The following NRG3 variants were observed in gnomAD, a reference collection of about 807,000 sequenced individuals.
NRG3 encodes the protein pro-neuregulin-3, membrane-bound isoform.
In NRG3, 31 loss-of-function variants were observed where a neutral mutation model predicts 66.9. The ratio of observed to expected loss-of-function variants is 0.46; its 90% CI spans 0.35 to 0.63. NRG3 has a LOEUF of 0.63. Among genes scored for constraint, NRG3 ranks in the 20% least tolerant of loss-of-function variants. The pLI, the probability that NRG3 is intolerant of heterozygous loss-of-function variation, is 0.00. For synonymous variants in NRG3, 393 were observed against 359.4 expected (o/e 1.09, Z -1.06); for missense variants, 910 against 878.9 (o/e 1.04, Z -0.45).
At position 81,875,694 on chromosome 10, in the gene NRG3, C is replaced by T. The variant is rs768461364; in HGVS notation, c.354C>T (p.Pro118=). 2.6e-5 allele frequency: 42 copies of T among 1,613,778 alleles called. 1 individual carries two copies. In the South Asian group the frequency reaches 3.8e-4, roughly 15 times the overall value. ...AGGACCCCTTCTTCCTCTCCAAGCC[C>T]AGCTCTTTCCCCAAGGCCATGGAGA... ...MGQDPFFLSK[P]SSFPKAMETT... The change falls in exon 1 of 9, where the codon CCC becomes CCT. Residue 118 remains proline (P), a synonymous_variant. Transcript: ENST00000372141. The surrounding 1 kb of genome is among the most constrained non-coding windows in gnomAD (Gnocchi z 5.3).
At chr10:82,578,332 C>T (rs971312671) in intron 2 of NRG3, among the ~76,000 whole-genome samples, 4 of 117,300 alleles carry the variant, frequency 3.4e-5, no homozygotes, top group Admixed American at 1.8e-4. Context: ...GATATTTTAG[C>T]CTAGATGTCA....
chr10:82,675,740 T>G (rs532698107), intron 2 of NRG3, among the ~76,000 whole-genome samples: 7 of 152,358 alleles, frequency 4.6e-5, no homozygotes, highest in African/African-American at 1.7e-4. Flanking sequence ...AAAAGCAGTT[T>G]GAAGGCTCAA....
intron 1 of NRG3, among the ~76,000 whole-genome samples, chr10:82,144,193 G>A (rs1032763390): frequency 2.0e-5 from 3 of 152,008 alleles, no homozygotes; most frequent in Admixed American, 6.6e-5. Flanking sequence ...TCTTATTCAC[G>A]TGAGGCTTCT....
chr10:82,724,334 T>G (rs2057474239), intron 2 of NRG3, among the ~76,000 whole-genome samples: 1 of 152,096 alleles, frequency 6.6e-6, no homozygotes, highest in South Asian at 2.1e-4. Context: ...CTGATGAATG[T>G]CATACATAAT....
intron 1 of NRG3, among the ~76,000 whole-genome samples, chr10:82,024,907 G>T (rs1335947206): frequency 6.6e-6 from 1 of 152,068 alleles, no homozygotes; most frequent in Non-Finnish European, 1.5e-5. Flanking sequence ...TATTTGAGAG[G>T]TTAAATTTGT....
intron 1 of NRG3, among the ~76,000 whole-genome samples, chr10:82,236,802 G>A (rs1433775132): frequency 3.0e-5 from 4 of 132,986 alleles, no homozygotes; most frequent in South Asian, 2.5e-4. Context: ...TGCAAGCTCC[G>A]CCTCCCGGGT....
intron 1 of NRG3, among the ~76,000 whole-genome samples, chr10:82,119,846 G>A (rs1297600822): frequency 6.6e-6 from 1 of 152,046 alleles, no homozygotes; most frequent in Non-Finnish European, 1.5e-5. Context: ...TGACGTTTCT[G>A]AAAACACGAG....
At chr10:82,055,205 G>A (rs1229042019) in intron 1 of NRG3, among the ~76,000 whole-genome samples, 4 of 152,144 alleles carry the variant, frequency 2.6e-5, no homozygotes, top group East Asian at 3.9e-4. Flanking sequence ...GAAGCCGAGC[G>A]CGGTGGCTCA....
chr10:82,551,297 T>C (rs1302189401), intron 2 of NRG3, among the ~76,000 whole-genome samples: 1 of 152,184 alleles, frequency 6.6e-6, no homozygotes, highest in Non-Finnish European at 1.5e-5. Context: ...TTTCAAGTAC[T>C]ATTTTTAACA....
intron 2 of NRG3, among the ~76,000 whole-genome samples, chr10:82,459,495 C>G (rs1392967109): frequency 6.6e-6 from 1 of 152,206 alleles, no homozygotes; most frequent in African/African-American, 2.4e-5. Flanking sequence ...ATAGTGAGCA[C>G]AGCTGACCCA....
intron 1 of NRG3, among the ~76,000 whole-genome samples, chr10:82,238,457 A>G (rs7916776): frequency 0.12 from 18,422 of 152,148 alleles, 1,214 homozygotes; most frequent in East Asian, 0.24. Context: ...TCCCTTGTTC[A>G]AAGTCACATT....
intron 1 of NRG3, among the ~76,000 whole-genome samples, chr10:81,893,304 C>T (rs1019388789): frequency 1.3e-5 from 2 of 152,050 alleles, no homozygotes; most frequent in African/African-American, 4.8e-5. Context: ...ACACCTATAA[C>T]CCTATATTTA....
intron 2 of NRG3, among the ~76,000 whole-genome samples, chr10:82,414,747 CAGAG>C (rs1377407075): frequency 1.3e-5 from 2 of 151,936 alleles, no homozygotes; most frequent in East Asian, 1.9e-4. Flanking sequence ...TGTGAGCACA[CAGAG>C]AGAGAGAGAT....
intron 2 of NRG3, among the ~76,000 whole-genome samples, chr10:82,629,423 T>C (rs2133704756): frequency 6.6e-6 from 1 of 152,328 alleles, no homozygotes; most frequent in African/African-American, 2.4e-5. Flanking sequence ...CCTGTGTGAA[T>C]TGCACAATCC....
chr10:82,788,484 C>T (rs978992755), intron 3 of NRG3, among the ~76,000 whole-genome samples: 10 of 152,032 alleles, frequency 6.6e-5, no homozygotes, highest in Non-Finnish European at 1.0e-4. Context: ...GCAGGAGAAT[C>T]GCTTGAACCC....
At chr10:82,032,581 A>G (rs373183623) in intron 1 of NRG3, among the ~76,000 whole-genome samples, 2 of 152,248 alleles carry the variant, frequency 1.3e-5, no homozygotes, top group East Asian at 1.9e-4. Flanking sequence ...CAGAATAATG[A>G]TAAGTTAAGC....
At chr10:82,382,501 G>A (rs888137665) in intron 2 of NRG3, among the ~76,000 whole-genome samples, 66 of 151,918 alleles carry the variant, frequency 4.3e-4, no homozygotes, top group African/African-American at 1.6e-3. Context: ...GTTACCTTAT[G>A]TACTAAACAT....
intron 1 of NRG3, among the ~76,000 whole-genome samples, chr10:82,246,607 T>C (rs1466058465): frequency 1.3e-5 from 2 of 152,132 alleles, no homozygotes; most frequent in African/African-American, 4.8e-5. Flanking sequence ...CAACTGAATA[T>C]AAATCTCAAT....
intron 2 of NRG3, among the ~76,000 whole-genome samples, chr10:82,471,673 G>T (rs1841278812): frequency 6.6e-6 from 1 of 152,100 alleles, no homozygotes; most frequent in Admixed American, 6.5e-5. Context: ...CACTTTGGGA[G>T]CCCGAGGCAG....
Sources: allele counts gnomAD v4.1 joint callset (sites outside exome capture counted in the v4.1 genomes callset), GRCh38; gene constraint gnomAD v4.1.1; non-coding constraint Gnocchi (gnomAD v3.1); transcripts MANE v1.5; gene names NCBI Gene and HGNC (gene_info 2026-07-23, HGNC 2026-07-21).